Variants in ATP5F1C observed in about 807,000 individuals in gnomAD.
ATP5F1C encodes the protein ATP synthase F1 subunit gamma, also known as ATP synthase F(1) complex subunit gamma, mitochondrial.
ATP5F1C carries 22 observed loss-of-function variants against 37.4 expected under a neutral mutation model. The ratio of observed to expected loss-of-function variants is 0.59; its 90% CI spans 0.42 to 0.84. ATP5F1C has a LOEUF of 0.84. Among genes scored for constraint, ATP5F1C ranks in the 40% least tolerant of loss-of-function variants. The pLI is 0.00. For missense variants in ATP5F1C, 286 were observed against 362.4 expected (o/e 0.79, Z 1.71); for synonymous variants, 121 against 128.0 (o/e 0.95, Z 0.37).
At chr10:7,793,123 T>G (rs899942086) in intron 1 of ATP5F1C, among the ~76,000 whole-genome samples, 2 of 152,242 alleles carry the variant, frequency 1.3e-5, no homozygotes, top group Non-Finnish European at 2.9e-5. Flanking sequence ...TTTTTGTTTT[T>G]GTTTTTTGAG....
chr10:7,803,280 C>T (rs1229435165), intron 8 of ATP5F1C, among the ~76,000 whole-genome samples: 1 of 150,846 alleles, frequency 6.6e-6, no homozygotes, highest in African/African-American at 2.5e-5. Context: ...TTTTCTATAT[C>T]AGTACCAAAA....
chr10:7,797,471 G>A (rs1836262661), intron 3 of ATP5F1C, among the ~76,000 whole-genome samples: 1 of 152,166 alleles, frequency 6.6e-6, no homozygotes, highest in South Asian at 2.1e-4. Flanking sequence ...GGACCTATGT[G>A]GTTTGGTGTC....
At chr10:7,807,035 G>A in intron 9 of ATP5F1C, 25 bp downstream of exon 9, 1 of 1,595,702 alleles carries the variant, frequency 6.3e-7, no homozygotes, top group Non-Finnish European at 8.6e-7. Flanking sequence ...TTCTTCCCAT[G>A]TCTGTTCAGA....
At chr10:7,806,842 C>T in intron 8 of ATP5F1C, 132 bp from the exon 9 acceptor site, 1 of 650,486 alleles carries the variant, frequency 1.5e-6, no homozygotes, top group East Asian at 2.7e-5. Flanking sequence ...AGTATTTTTG[C>T]ATGATGTACT....
chr10:7,800,854 A>T (rs1836351068), intron 6 of ATP5F1C, among the ~76,000 whole-genome samples: 2 of 152,164 alleles, frequency 1.3e-5, no homozygotes, highest in South Asian at 4.1e-4. Flanking sequence ...TAATTCAGTC[A>T]TTGTTTGATA....
intron 1 of ATP5F1C, among the ~76,000 whole-genome samples, chr10:7,793,907 C>G (rs1240818169): frequency 1.3e-5 from 2 of 152,102 alleles, no homozygotes; most frequent in South Asian, 2.1e-4. Context: ...ATTGCTTTTG[C>G]TTTTTTATTA....
At chr10:7,789,197 T>C (rs1185722135) in intron 1 of ATP5F1C, among the ~76,000 whole-genome samples, 1 of 152,150 alleles carries the variant, frequency 6.6e-6, no homozygotes, top group East Asian at 1.9e-4. Flanking sequence ...GACACGCTGC[T>C]AAGGGGATTC....
chr10:7,796,357 G>C (rs536102920), intron 2 of ATP5F1C: 77 of 433,822 alleles, frequency 1.8e-4, no homozygotes, highest in African/African-American at 1.5e-3. Context: ...ATGTTCTGTT[G>C]TTTGTAGAAT....
In ATP5F1C at chr10:7,796,968, T is replaced by G. The variant is rs564618280; in HGVS notation, c.92-79T>G. On this transcript the variant is annotated intron_variant, in intron 2 of 9. Coordinates refer to ENST00000356708, the MANE Select transcript of ATP5F1C (RefSeq NM_001001973.3). The stretch of plus-strand genomic sequence containing the variant: ...AGCGCTCATTATTCTGCCTTGCACT[T>G]CAGAAAAATATGTCAATAAATTCAC... 9.8e-5 allele frequency: 148 copies of G among 1,503,368 alleles called. No homozygotes were observed. In the Middle Eastern group the frequency reaches 2.3e-3, roughly 23 times the overall value. 93.1% of individuals were successfully genotyped at this position (1,503,368 alleles called of 1,614,324 possible). A position where few individuals can be genotyped will look rare whatever the true frequency, so the allele number is the denominator to read the frequency against.
intron 1 of ATP5F1C, among the ~76,000 whole-genome samples, chr10:7,794,806 G>A (rs1477364565): frequency 6.6e-6 from 1 of 152,184 alleles, no homozygotes; most frequent in East Asian, 1.9e-4. Flanking sequence ...AGAGATATTA[G>A]TCACTGTCCA....
At chr10:7,807,124 C>T in intron 9 of ATP5F1C, 114 bp downstream of exon 9, 1 of 997,092 alleles carries the variant, frequency 1.0e-6, no homozygotes. Flanking sequence ...ATGGATGGGC[C>T]ACTTCACAGT....
At chr10:7,793,942 C>T (rs995039101) in intron 1 of ATP5F1C, among the ~76,000 whole-genome samples, 7 of 152,292 alleles carry the variant, frequency 4.6e-5, no homozygotes, top group Admixed American at 4.6e-4. Context: ...GAGGTCTTAA[C>T]GTCAGGTAGT....
intron 1 of ATP5F1C, 21 bp from the exon 2 acceptor site, chr10:7,796,100 T>G: frequency 6.3e-7 from 1 of 1,577,380 alleles, no homozygotes; most frequent in South Asian, 1.2e-5. Flanking sequence ...ACTGAAACAT[T>G]TTTAAAACTT....
At chr10:7,788,288 G>A in intron 1 of ATP5F1C, 25 bp downstream of exon 1, 1 of 1,610,864 alleles carries the variant, frequency 6.2e-7, no homozygotes, top group Non-Finnish European at 8.5e-7. Context: ...GGGAAGATCG[G>A]CAGGACCGCA....
At chr10:7,806,019 TA>T (rs1836473679) in intron 8 of ATP5F1C, among the ~76,000 whole-genome samples, 1 of 152,130 alleles carries the variant, frequency 6.6e-6, no homozygotes, top group South Asian at 2.1e-4. Context: ...CCAGGAGTTT[TA>T]GGCTGCGGTG....
rs1451210731 is a variant in ATP5F1C, at chr10:7,797,164, G to C, written c.209G>C (p.Gly70Ala). The change falls in exon 3 of 10, where the codon GGA (glycine) becomes GCA (alanine). Residue 70 changes from glycine (G) to alanine (A), a missense_variant. Coordinates refer to ENST00000356708, the MANE Select transcript of ATP5F1C (RefSeq NM_001001973.3). ...GAGCTGAAACCAGCTCGAATATATG[G>C]ATTGGGATCTTTAGGTAAGGGAAGA... Reference protein sequence around the residue: ...ERELKPARIYGLGSLALYEKA... With the variant: ...ERELKPARIYALGSLALYEKA... The C allele has an allele frequency of 6.2e-7, 1 of 1,613,964 alleles. No individual in the cohort carries two copies. The highest frequency in any genetic ancestry group is 8.5e-7 in the Non-Finnish European group (1 of 1,179,910).
chr10:7,798,598 C>T (rs891377308), intron 3 of ATP5F1C, among the ~76,000 whole-genome samples: 6 of 152,182 alleles, frequency 3.9e-5, no homozygotes, highest in Non-Finnish European at 8.8e-5. Context: ...TTAGTAGAGA[C>T]GGGGTTTCAC....
In ATP5F1C at chr10:7,799,302, T is replaced by A. The variant is rs930418594; in HGVS notation, c.428+108T>A. On this transcript the variant is annotated intron_variant, in intron 4 of 9. Transcript: ENST00000356708. ...AACCTTCATCAATAACAAGGTATAT[T>A]CTTCAGGGCCTTTTTTGGTATATTC... The A allele has an allele frequency of 6.8e-6, 7 of 1,022,658 alleles. No individual in the cohort carries two copies. In the African/African-American group the frequency reaches 1.1e-4, roughly 17 times the overall value. 63.3% of individuals were successfully genotyped at this position (1,022,658 alleles called of 1,614,324 possible).
At chr10:7,797,859 C>A (rs889784258) in intron 3 of ATP5F1C, among the ~76,000 whole-genome samples, 3 of 152,086 alleles carry the variant, frequency 2.0e-5, no homozygotes, top group Non-Finnish European at 4.4e-5. Context: ...CTTAATTAGT[C>A]TTCTTAATGG....
Sources: gnomAD v4.1 joint callset for allele counts (sites outside exome capture counted in the v4.1 genomes callset) on GRCh38, gnomAD v4.1.1 for gene constraint, MANE v1.5 for transcripts, NCBI Gene and HGNC (gene_info 2026-07-23, HGNC 2026-07-21) for gene names.